The following DGKB variants were observed in gnomAD, a reference collection of about 807,000 sequenced individuals.
DGKB encodes the protein diacylglycerol kinase beta.
A neutral mutation model predicts 114.3 loss-of-function variants in DGKB; 67 were observed. The ratio of observed to expected loss-of-function variants is 0.59; its 90% CI spans 0.48 to 0.72. The LOEUF is 0.72. Ranked by LOEUF, DGKB falls within the 30% of genes least tolerant of loss-of-function variation. The pLI, the probability that DGKB is intolerant of heterozygous loss-of-function variation, is 0.00. For synonymous variants in DGKB, 398 were observed against 323.1 expected, an observed-to-expected ratio of 1.23 and a Z score of -2.49; for missense variants, 907 against 975.2, an observed-to-expected ratio of 0.93 and a Z score of 0.93.
intron 20 of DGKB, among the ~76,000 whole-genome samples, chr7:14,485,096 CCACACACA>C (rs10563734): frequency 0.31 from 44,172 of 141,450 alleles, 6,946 homozygotes; most frequent in South Asian, 0.39. Context: ...CACACACACA[CCACACACA>C]CACACACACA....
At chr7:14,378,953 C>T (rs771159647) in intron 21 of DGKB, among the ~76,000 whole-genome samples, 2 of 151,642 alleles carry the variant, frequency 1.3e-5, no homozygotes, top group Non-Finnish European at 2.9e-5. Flanking sequence ...GTTAGCAAAA[C>T]TGATTTGGAT....
intron 20 of DGKB, among the ~76,000 whole-genome samples, chr7:14,563,970 C>T (rs1797039676): frequency 6.6e-6 from 1 of 152,118 alleles, no homozygotes; most frequent in Admixed American, 6.6e-5. Context: ...TTTCTGTTCT[C>T]CTAAAGGCAG....
intron 1 of DGKB, among the ~76,000 whole-genome samples, chr7:14,887,173 G>A (rs538623527): frequency 2.0e-4 from 31 of 151,796 alleles, no homozygotes; most frequent in African/African-American, 7.5e-4. Context: ...CACTTTACCT[G>A]CCTCAATCAG....
At position 14,231,125 on chromosome 7, in the gene DGKB, TTC is replaced by T. The variant is rs150652312; in HGVS notation, c.2123-52976_2123-52975del. ...TTTCTTTCTTTCTTTCTTTCTTTCT[TTC>T]TTTCTTTCTTTCTTTCTTTTTCTTT... On this transcript the variant is annotated intron_variant, in intron 23 of 25. Transcript: ENST00000402815. 8.5e-3 allele frequency among the ~76,000 whole-genome samples: 834 copies of T among 97,888 alleles called. 13 individuals are homozygous for T. Among genetic ancestry groups the T allele is most frequent in the South Asian group, 0.037 (113 of 3,042 alleles). 64.2% of individuals were successfully genotyped at this position (97,888 alleles called of 152,430 possible). A position where few individuals can be genotyped will look rare whatever the true frequency, so the allele number is the denominator to read the frequency against.
chr7:14,617,975 T>C (rs552162379), intron 15 of DGKB, among the ~76,000 whole-genome samples: 71 of 151,786 alleles, frequency 4.7e-4, no homozygotes, highest in African/African-American at 1.7e-3. Context: ...TTTATGTATA[T>C]GGAGATACTC....
intron 21 of DGKB, among the ~76,000 whole-genome samples, chr7:14,464,071 A>C (rs1041372075): frequency 9.9e-5 from 15 of 151,990 alleles, no homozygotes; most frequent in South Asian, 4.1e-4. Flanking sequence ...ATCTAGAAAA[A>C]GCAATAGAAT....
rs59057625 is a variant in DGKB at position 14,508,745 on chromosome 7, G to A, written c.1771-30520C>T. ...GAAAATACTTTGAAAATTAATTTGT[G>A]GTATAGATGACCTATTTAATATGTT... On this transcript the variant is annotated intron_variant, in intron 20 of 25. Transcript: ENST00000402815. Among the ~76,000 whole-genome samples, 128 of 152,136 alleles carry A rather than the reference G, an allele frequency of 8.4e-4. 1 individual carries two copies. The highest frequency in any genetic ancestry group is 2.7e-3 in the African/African-American group (111 of 41,532).
intron 20 of DGKB, among the ~76,000 whole-genome samples, chr7:14,549,873 A>G (rs977698627): frequency 1.3e-5 from 2 of 152,072 alleles, no homozygotes; most frequent in Non-Finnish European, 2.9e-5. Flanking sequence ...CTGTAGTCCC[A>G]GCTGGTTGAG....
At chr7:14,922,495 A>G (rs1327930076) in intron 1 of DGKB, among the ~76,000 whole-genome samples, 1 of 151,730 alleles carries the variant, frequency 6.6e-6, no homozygotes, top group Non-Finnish European at 1.5e-5. Flanking sequence ...TAGTGCCGTC[A>G]CTCAAAGATG....
intron 2 of DGKB, among the ~76,000 whole-genome samples, chr7:14,777,945 G>A (rs1838455514): frequency 6.6e-6 from 1 of 152,008 alleles, no homozygotes; most frequent in African/African-American, 2.4e-5. Context: ...TATAGAATCT[G>A]GAAATAATTC....
At chr7:14,714,076 A>AACAC (rs71004329) in intron 6 of DGKB, among the ~76,000 whole-genome samples, 5,421 of 147,718 alleles carry the variant, frequency 0.037, 142 homozygotes, top group Non-Finnish European at 0.058. Flanking sequence ...TACCTGTTGA[A>AACAC]ACACACACAC....
intron 20 of DGKB, among the ~76,000 whole-genome samples, chr7:14,541,280 C>T (rs1396399117): frequency 2.0e-5 from 3 of 152,142 alleles, no homozygotes; most frequent in Admixed American, 2.0e-4. Context: ...CATTTACAAA[C>T]ATTAGGTCAG....
intron 21 of DGKB, among the ~76,000 whole-genome samples, chr7:14,412,882 G>C (rs1319742149): frequency 1.3e-5 from 2 of 152,032 alleles, no homozygotes; most frequent in Middle Eastern, 3.4e-3. Flanking sequence ...TCAGGAGGCT[G>C]AGACAGGAGA....
At chr7:14,806,754 A>G (rs1343488882) in intron 2 of DGKB, among the ~76,000 whole-genome samples, 1 of 151,976 alleles carries the variant, frequency 6.6e-6, no homozygotes, top group Non-Finnish European at 1.5e-5. Context: ...TTTTCCTGAT[A>G]ACATATAAAT....
At chr7:14,291,778 A>T (rs865942288) in intron 23 of DGKB, among the ~76,000 whole-genome samples, 8 of 152,308 alleles carry the variant, frequency 5.3e-5, no homozygotes, top group Middle Eastern at 3.4e-3. Context: ...AGCAGAAAAT[A>T]CCACCATTAT....
chr7:14,558,120 GC>G (rs1796131482), intron 20 of DGKB, among the ~76,000 whole-genome samples: 1 of 149,320 alleles, frequency 6.7e-6, no homozygotes, highest in South Asian at 2.1e-4. Context: ...ATATATAATT[GC>G]CATTTATATA....
At chr7:14,361,320 T>A (rs1718329465) in intron 21 of DGKB, among the ~76,000 whole-genome samples, 1 of 152,032 alleles carries the variant, frequency 6.6e-6, no homozygotes, top group African/African-American at 2.4e-5. Context: ...TTATCTTGTA[T>A]AAAAATGATA....
intron 1 of DGKB, 49 bp from the exon 2 acceptor site, chr7:14,841,499 C>G: frequency 2.7e-6 from 1 of 376,522 alleles, no homozygotes; most frequent in South Asian, 9.7e-5. Flanking sequence ...CATGATTGCA[C>G]AAAGGAAAAA....
intron 5 of DGKB, among the ~76,000 whole-genome samples, chr7:14,721,797 A>G (rs766900040): frequency 6.6e-6 from 1 of 152,188 alleles, no homozygotes; most frequent in Non-Finnish European, 1.5e-5. Flanking sequence ...TAAAATGTCA[A>G]AGACCTTTTA....
Sources: allele counts gnomAD v4.1 joint callset (sites outside exome capture counted in the v4.1 genomes callset), GRCh38; gene constraint gnomAD v4.1.1; transcripts MANE v1.5; gene names NCBI Gene and HGNC (gene_info 2026-07-23, HGNC 2026-07-21).